The following PSD3 variants were observed in gnomAD, a reference collection of about 807,000 sequenced individuals.
PSD3 encodes PH and SEC7 domain-containing protein 3.
A neutral mutation model predicts 105.5 loss-of-function variants in PSD3; 49 were observed. That is an observed-to-expected ratio of 0.46 (90% CI 0.37 to 0.59). PSD3 has a LOEUF of 0.59. PSD3 is among the 20% of genes least tolerant of loss of function. The pLI is 0.00. For missense variants in PSD3, 1,561 were observed against 1,263.8 expected, an observed-to-expected ratio of 1.24 and a Z score of -3.57; for synonymous variants, 557 against 457.8, an observed-to-expected ratio of 1.22 and a Z score of -2.77.
At chr8:18,742,441 A>G (rs1804648567) in intron 9 of PSD3, among the ~76,000 whole-genome samples, 2 of 152,224 alleles carry the variant, frequency 1.3e-5, no homozygotes, top group African/African-American at 2.4e-5. Flanking sequence ...CAAGCAAGGA[A>G]GAAAAAATCT....
intron 1 of PSD3, among the ~76,000 whole-genome samples, chr8:18,997,034 T>C (rs2129473970): frequency 6.6e-6 from 1 of 152,044 alleles, no homozygotes; most frequent in Admixed American, 6.5e-5. Flanking sequence ...TCTCCTTTAT[T>C]GGTGCCTTCT....
intron 4 of PSD3, among the ~76,000 whole-genome samples, chr8:18,854,954 C>G (rs4376526): frequency 0.4 from 61,352 of 152,102 alleles, 12,962 homozygotes; most frequent in East Asian, 0.81. Flanking sequence ...CTGTCAGACA[C>G]AGGCAACAAC....
intron 9 of PSD3, among the ~76,000 whole-genome samples, chr8:18,759,156 G>C (rs1295334459): frequency 1.3e-5 from 2 of 150,984 alleles, no homozygotes; most frequent in African/African-American, 2.4e-5. Flanking sequence ...CTTAAGGGAA[G>C]ACGTGCTAAT....
chr8:18,800,650 C>T (rs984305677), intron 7 of PSD3, among the ~76,000 whole-genome samples: 23 of 152,160 alleles, frequency 1.5e-4, no homozygotes, highest in African/African-American at 5.3e-4. Flanking sequence ...AACAGTTTAC[C>T]ATTAAGTCAC....
At position 18,797,983 on chromosome 8, in the gene PSD3, A is replaced by G. The variant is rs192478843; in HGVS notation, c.2082+1312T>C. Among the ~76,000 whole-genome samples the G allele has an allele frequency of 3.4e-3, 522 of 152,272 alleles. 1 individual carries two copies. The highest frequency in any genetic ancestry group is 5.3e-3 in the Non-Finnish European group (363 of 68,020). ...AAGGCTAAGGAAAAGAAGGGTGCAA[A>G]GAGCAACTGTTATCACCAAACAGCC... On this transcript the variant is annotated intron_variant, in intron 8 of 15. Coordinates refer to ENST00000327040, the MANE Select transcript of PSD3 (RefSeq NM_015310.4).
At chr8:18,544,189 A>AAAAAAC (rs1800320442) in intron 15 of PSD3, among the ~76,000 whole-genome samples, 1 of 51,908 alleles carries the variant, frequency 1.9e-5, no homozygotes. Context: ...AAAAAAAAAA[A>AAAAAAC]AAAAAAAAAC....
intron 1 of PSD3, among the ~76,000 whole-genome samples, chr8:19,003,818 G>C (rs1215950852): frequency 6.6e-6 from 1 of 151,952 alleles, no homozygotes; most frequent in African/African-American, 2.4e-5. Flanking sequence ...AGCCAGACTG[G>C]CTTGATCAGC....
At chr8:18,935,785 G>A (rs17127466) in intron 2 of PSD3, among the ~76,000 whole-genome samples, 6,530 of 151,950 alleles carry the variant, frequency 0.043, 291 homozygotes, top group East Asian at 0.17. Context: ...TTAATTCTTG[G>A]AATTTCAAAT....
chr8:18,840,780 TCA>T (rs1814555895), intron 4 of PSD3, among the ~76,000 whole-genome samples: 2 of 152,124 alleles, frequency 1.3e-5, no homozygotes, highest in African/African-American at 4.8e-5. Flanking sequence ...GACAGCAGAT[TCA>T]CAGACAGCAG....
At chr8:18,990,300 G>A (rs1442913343) in intron 1 of PSD3, among the ~76,000 whole-genome samples, 1 of 152,238 alleles carries the variant, frequency 6.6e-6, no homozygotes, top group Non-Finnish European at 1.5e-5. Context: ...GGCCCTGCAT[G>A]GTCTGGCCCT....
At chr8:18,568,691 T>A (rs529837336) in intron 14 of PSD3, among the ~76,000 whole-genome samples, 1 of 133,724 alleles carries the variant, frequency 7.5e-6, no homozygotes, top group South Asian at 2.8e-4. Context: ...CTGCTTCTAG[T>A]AGTACCTTCT....
intron 11 of PSD3, among the ~76,000 whole-genome samples, chr8:18,618,445 T>A (rs1218439580): frequency 6.6e-6 from 1 of 151,438 alleles, no homozygotes; most frequent in African/African-American, 2.4e-5. Flanking sequence ...TTACAGACTT[T>A]GGCTTTTTTT....
At chr8:18,838,661 C>T (rs1210089314) in intron 4 of PSD3, among the ~76,000 whole-genome samples, 1 of 151,570 alleles carries the variant, frequency 6.6e-6, no homozygotes, top group African/African-American at 2.4e-5. Flanking sequence ...ATTAGCCGGG[C>T]GTGGTGGCGG....
In PSD3 at chr8:18,931,651, T is replaced by C. The variant is rs564692484; in HGVS notation, c.130+4383A>G. Among the ~76,000 whole-genome samples, 4 of 152,342 alleles carry C rather than the reference T, an allele frequency of 2.6e-5. No individual in the cohort carries two copies. The East Asian group carries it at 7.7e-4, about 29-fold the overall frequency. On this transcript the variant is annotated intron_variant, in intron 2 of 15. Coordinates refer to ENST00000327040, the MANE Select transcript of PSD3 (RefSeq NM_015310.4). ...CCACTAGTGCCACCCGACTCTTTTC[T>C]TTTAATGATGGGCTCTGAACAGTTC...
intron 1 of PSD3, among the ~76,000 whole-genome samples, chr8:19,062,479 C>T (rs1370140131): frequency 2.0e-5 from 3 of 152,144 alleles, no homozygotes; most frequent in Non-Finnish European, 4.4e-5. Context: ...CAGCAAGAGA[C>T]CACTGTTTCC....
At chr8:18,660,044 C>T (rs1809229082) in intron 9 of PSD3, among the ~76,000 whole-genome samples, 2 of 152,084 alleles carry the variant, frequency 1.3e-5, no homozygotes, top group Admixed American at 1.3e-4. Flanking sequence ...GAATGGCACC[C>T]CTAATGTCCA....
chr8:18,810,384 A>G (rs956972159), intron 4 of PSD3, among the ~76,000 whole-genome samples: 1 of 152,186 alleles, frequency 6.6e-6, no homozygotes, highest in African/African-American at 2.4e-5. Context: ...CACTGTAGCT[A>G]ATCCTGGAAA....
intron 1 of PSD3, among the ~76,000 whole-genome samples, chr8:19,001,471 T>G (rs77426340): frequency 0.01 from 1,572 of 151,838 alleles, 48 homozygotes; most frequent in African/African-American, 0.035. Flanking sequence ...GCACCTACAC[T>G]GACACACTGA....
intron 1 of PSD3, among the ~76,000 whole-genome samples, chr8:19,049,694 A>C (rs1290342940): frequency 1.8e-5 from 2 of 112,264 alleles, no homozygotes; most frequent in Non-Finnish European, 3.3e-5. Flanking sequence ...CTGTCTCAAA[A>C]AAAAAAAAAA....
Sources: allele counts gnomAD v4.1 joint callset (sites outside exome capture counted in the v4.1 genomes callset), GRCh38; gene constraint gnomAD v4.1.1; transcripts MANE v1.5; gene names NCBI Gene and HGNC (gene_info 2026-07-23, HGNC 2026-07-21).